Variants in RAB11FIP5 observed in about 807,000 individuals in gnomAD.
The protein encoded by RAB11FIP5 is RAB11 family interacting protein 5.
RAB11FIP5 carries 48 observed loss-of-function variants against 85.1 expected under a neutral mutation model. The observed-to-expected ratio is 0.56, with a 90% CI of 0.45 to 0.72. The LOEUF (loss-of-function observed/expected upper bound fraction) is 0.72. RAB11FIP5 is among the 30% of genes least tolerant of loss of function. RAB11FIP5 has a pLI of 0.00. For synonymous variants in RAB11FIP5, 729 were observed against 727.3 expected (o/e 1.00, Z -0.04); for missense variants, 1,491 against 1,687.0 (o/e 0.88, Z 2.04).
chr2:73,087,588 T>C (rs1559234737), intron 3 of RAB11FIP5, among the ~76,000 whole-genome samples: 1 of 152,080 alleles, frequency 6.6e-6, no homozygotes, highest in Admixed American at 6.5e-5. Context: ...AGGGAAGTGA[T>C]CACAGAGACA....
At chr2:73,104,624 T>C (rs1050020421) in intron 1 of RAB11FIP5, among the ~76,000 whole-genome samples, 3 of 152,108 alleles carry the variant, frequency 2.0e-5, no homozygotes, top group Admixed American at 1.3e-4. Flanking sequence ...GTCCTGCTGT[T>C]TTGCTGAGAG....
In RAB11FIP5 at chr2:73,076,125, C is replaced by T. The variant is rs1199834692; in HGVS notation, c.3639G>A (p.Lys1213=). ...AAPVEGSPDR[K]QSRSSLSIAL... ...CTATGCTCAGACTGGAGCGGGACTGCTTCCTGTCGGGGCTGCCCTCCACAG... is the reference window on the plus strand; with the variant it reads ...CTATGCTCAGACTGGAGCGGGACTGTTTCCTGTCGGGGCTGCCCTCCACAG... The change falls in exon 5 of 6, where the codon AAG becomes AAA. Residue 1213 remains lysine (K), a synonymous_variant. Coordinates refer to ENST00000486777, the MANE Select transcript of RAB11FIP5 (RefSeq NM_001371272.1). The T allele has an allele frequency of 6.2e-7, 1 of 1,614,008 alleles. No individual in the cohort carries two copies. The highest frequency in any genetic ancestry group is 2.2e-5 in the East Asian group (1 of 44,892).
rs992822629 is a variant in RAB11FIP5 at position 73,080,094 on chromosome 2, C to A, written c.3138G>T (p.Leu1046Phe). 8 of 1,232,118 alleles carry A rather than the reference C, an allele frequency of 6.5e-6. No individual in the cohort carries two copies. In the East Asian group the frequency reaches 2.2e-4, roughly 34 times the overall value. The allele number at this position is 1,232,118 out of a possible 1,614,324, so 76.3% of individuals were successfully genotyped here. Residue 1046 changes from leucine (L) to phenylalanine (F), a missense_variant, in exon 4 of 6, where the codon TTG becomes TTT. Physicochemically the swap from Leu to Phe is conservative, Grantham distance 22. Transcript: ENST00000486777. ...CATCAGCCTGCTGGGAGGTGGCTGA[C>A]AAGGACCCAAGCCCCTCTCCTACTG... ...QDPVGEGLGS[L>F]SATSQQADVW... is the part of the protein sequence containing the mutation.
At chr2:73,104,347 G>A (rs1684484393) in intron 1 of RAB11FIP5, among the ~76,000 whole-genome samples, 1 of 152,104 alleles carries the variant, frequency 6.6e-6, no homozygotes, top group Non-Finnish European at 1.5e-5. Context: ...GGAGGCTGAG[G>A]CAGGCAGATC....
intron 1 of RAB11FIP5, among the ~76,000 whole-genome samples, chr2:73,092,154 T>C (rs1248290181): frequency 6.6e-6 from 1 of 152,172 alleles, no homozygotes; most frequent in East Asian, 1.9e-4. Context: ...CCTAGTCACT[T>C]TCCCTAAATC....
chr2:73,107,706 C>T (rs1252418870), intron 1 of RAB11FIP5, among the ~76,000 whole-genome samples: 7 of 152,202 alleles, frequency 4.6e-5, no homozygotes, highest in Admixed American at 4.6e-4. Context: ...AACTAAGGGC[C>T]GTGGAGCCTC....
intron 1 of RAB11FIP5, 124 bp downstream of exon 1, chr2:73,112,223 G>C: frequency 1.7e-6 from 2 of 1,154,832 alleles, no homozygotes; most frequent in Non-Finnish European, 2.3e-6. Context: ...GTTTCTGTCG[G>C]TTTACGCCCT....
In RAB11FIP5 at chr2:73,075,439, CT is replaced by C. The variant is rs765893442; in HGVS notation, c.*81del. The C allele has an allele frequency of 1.0e-5, 14 of 1,364,962 alleles. No individual in the cohort carries two copies. Among genetic ancestry groups the C allele is most frequent in the Middle Eastern group, 1.8e-4 (1 of 5,638 alleles). 84.6% of individuals were successfully genotyped at this position (1,364,962 alleles called of 1,614,324 possible). A position where few individuals can be genotyped will look rare whatever the true frequency, so the allele number is the denominator to read the frequency against. The stretch of plus-strand genomic sequence containing the variant: ...ACAAGGCAAGACAGACGATGCCCCA[CT>C]GCAGATGAGAGAGTTCAGGAGGAGA... On this transcript the variant is annotated 3_prime_UTR_variant, in exon 6 of 6. Coordinates refer to ENST00000486777, the MANE Select transcript of RAB11FIP5 (RefSeq NM_001371272.1). This position sits in a 1 kb window ranked among gnomAD's most constrained non-coding sequence, Gnocchi z 4.6.
chr2:73,089,189 T>G lies in RAB11FIP5; in HGVS notation c.558A>C (p.Pro186=). ...CCCTGATCTTGCTGAAGGGAGACCT[T>G]GGCTTGTCCTTCATGGACAGGTCAA... ...SMFDLSMKDK[P]RSPFSKIRDK... Residue 186 remains proline (P), a synonymous_variant, in exon 2 of 6, where the codon CCA becomes CCC. Coordinates refer to ENST00000486777, the MANE Select transcript of RAB11FIP5 (RefSeq NM_001371272.1). The surrounding 1 kb of genome is among the most constrained non-coding windows in gnomAD (Gnocchi z 4.6). 3 of 1,614,196 alleles carry G rather than the reference T, an allele frequency of 1.9e-6. No individual in the cohort carries two copies. Among genetic ancestry groups the G allele is most frequent in the Non-Finnish European group, 2.5e-6 (3 of 1,180,022 alleles).
rs1683788282 is a variant in RAB11FIP5 at position 73,073,687 on chromosome 2, CCT to C, written c.*1832_*1833del. 6.6e-6 allele frequency: 1 copy of C among 152,258 alleles called. No homozygotes were observed. Among genetic ancestry groups the C allele is most frequent in the South Asian group, 2.1e-4 (1 of 4,832 alleles). The allele number at this position is 152,258 out of a possible 1,614,324, so 9.4% of individuals were successfully genotyped here. ...ATCCCCAGTAGGGGGGGTGACTCCC[CCT>C]CTCTCAGAAAAGATACTTACTTCTC... On this transcript the variant is annotated 3_prime_UTR_variant, in exon 6 of 6. Transcript: ENST00000486777.
chr2:73,110,643 C>CT (rs1684636986), intron 1 of RAB11FIP5, among the ~76,000 whole-genome samples: 1 of 152,208 alleles, frequency 6.6e-6, no homozygotes, highest in Non-Finnish European at 1.5e-5. Flanking sequence ...CTGTTCTTGG[C>CT]TGAAAATGGG....
At chr2:73,100,514 C>T (rs373772560) in intron 1 of RAB11FIP5, among the ~76,000 whole-genome samples, 47 of 151,224 alleles carry the variant, frequency 3.1e-4, no homozygotes, top group African/African-American at 1.1e-3. Flanking sequence ...CAATCTCCGC[C>T]TTCCAGGTTC....
rs148524532 is a variant in RAB11FIP5 at position 73,112,584 on chromosome 2, C to A, written c.194G>T (p.Gly65Val). Residue 65 changes from glycine (G) to valine (V), a missense_variant, in exon 1 of 6, where the codon GGC (glycine) becomes GTC (valine). Coordinates refer to ENST00000486777, the MANE Select transcript of RAB11FIP5 (RefSeq NM_001371272.1). ...GCACTCCTCACGCCACTCGGGGCAG[C>A]CGTGCGTCTTCTCCACCACCGACGT... ...YSTSVVEKTH[G>V]CPEWREECSF... 1.3e-6 allele frequency: 2 copies of A among 1,597,598 alleles called. No homozygotes were observed. The highest frequency in any genetic ancestry group is 1.7e-6 in the Non-Finnish European group (2 of 1,173,796).
chr2:73,104,251 T>A (rs189442841), intron 1 of RAB11FIP5, among the ~76,000 whole-genome samples: 4 of 152,278 alleles, frequency 2.6e-5, no homozygotes, highest in African/African-American at 7.2e-5. Context: ...TGCCCTTCTG[T>A]ACCTTTAGAA....
rs202050559 is a variant in RAB11FIP5, at chr2:73,088,561, G to T, written c.1057C>A (p.Arg353=). ...GAGCCCGAGATGGAGCTGCGGTGCCGCACAGGGCCCTGGGGCTCCTCATTG... is the reference window on the plus strand; with the variant it reads ...GAGCCCGAGATGGAGCTGCGGTGCCTCACAGGGCCCTGGGGCTCCTCATTG... The part of the protein sequence containing the change: ...IYNEEPQGPV[R]HRSSISGSLP... The change falls in exon 3 of 6, where the codon CGG becomes AGG. Residue 353 remains arginine, a synonymous_variant. Transcript: ENST00000486777. The T allele has an allele frequency of 1.2e-5, 20 of 1,613,720 alleles. No homozygotes were observed. Among genetic ancestry groups the T allele is most frequent in the Non-Finnish European group, 1.7e-5 (20 of 1,180,032 alleles).
rs1350226700 is a variant in RAB11FIP5, at chr2:73,080,823, G to T, written c.2409C>A (p.Gly803=). Residue 803 remains glycine (G), a synonymous_variant, in exon 4 of 6, where the codon GGC becomes GGA. Coordinates refer to ENST00000486777, the MANE Select transcript of RAB11FIP5 (RefSeq NM_001371272.1). The part of the protein sequence containing the change: ...EVISVWERLP[G]PESAAEGQDD... ...CCTGGCCCTCAGCAGCGCTCTCTGG[G>T]CCCGGCAGCCTCTCCCACACACTGA... 1 of 1,232,264 alleles carries T rather than the reference G, an allele frequency of 8.1e-7. No individual in the cohort carries two copies. The highest frequency in any genetic ancestry group is 1.6e-5 in the African/African-American group (1 of 64,408). The allele number at this position is 1,232,264 out of a possible 1,614,324, so 76.3% of individuals were successfully genotyped here. A position where few individuals can be genotyped will look rare whatever the true frequency, so the allele number is the denominator to read the frequency against.
intron 1 of RAB11FIP5, among the ~76,000 whole-genome samples, chr2:73,091,821 G>A (rs1043082892): frequency 2.0e-5 from 3 of 152,152 alleles, no homozygotes; most frequent in Admixed American, 1.3e-4. Context: ...CAGCCTGAGC[G>A]GCCTGAGCCT....
chr2:73,079,527 A>G, intron 4 of RAB11FIP5, 124 bp downstream of exon 4: 1 of 1,163,470 alleles, frequency 8.6e-7, no homozygotes, highest in Non-Finnish European at 1.1e-6. Context: ...CCTCTGGGGT[A>G]AAAGAGACCC....
chr2:73,084,451 C>T (rs1445294232), intron 3 of RAB11FIP5: 1 of 152,212 alleles, frequency 6.6e-6, no homozygotes, highest in Non-Finnish European at 1.5e-5. Flanking sequence ...CTCTCCCCAC[C>T]CCCAAGCGGT....
Sources: allele counts gnomAD v4.1 joint callset (sites outside exome capture counted in the v4.1 genomes callset), GRCh38; gene constraint gnomAD v4.1.1; non-coding constraint Gnocchi (gnomAD v3.1); transcripts MANE v1.5; gene names NCBI Gene and HGNC (gene_info 2026-07-23, HGNC 2026-07-21).